HSDL2: variants seen among roughly 807,000 people sequenced by gnomAD.
The protein encoded by HSDL2 is hydroxysteroid dehydrogenase-like protein 2.
HSDL2 carries 27 observed loss-of-function variants against 46.3 expected under a neutral mutation model. The observed-to-expected ratio is 0.58, with a 90% confidence interval of 0.43 to 0.80. HSDL2 has a LOEUF of 0.80. Among genes scored for constraint, HSDL2 ranks in the 30% least tolerant of loss-of-function variants. The pLI is 0.00. For synonymous variants in HSDL2, 153 were observed against 163.6 expected, an observed-to-expected ratio of 0.94 and a Z score of 0.50; for missense variants, 451 against 502.7, an observed-to-expected ratio of 0.90 and a Z score of 0.98.
chr9:112,391,532 A>C (rs907586580), intron 1 of HSDL2, among the ~76,000 whole-genome samples: 1 of 152,180 alleles, frequency 6.6e-6, no homozygotes, highest in Non-Finnish European at 1.5e-5. Context: ...GCAAGCCACA[A>C]ATGAAAAGAT....
intron 8 of HSDL2, among the ~76,000 whole-genome samples, chr9:112,448,743 GACAGGGTTTC>G (rs1832807842): frequency 6.6e-6 from 1 of 151,484 alleles, no homozygotes; most frequent in East Asian, 1.9e-4. Flanking sequence ...TTTTAGTAGA[GACAGGGTTTC>G]ACTGCGTTAG....
At chr9:112,437,571 T>G (rs202194689) in intron 6 of HSDL2, among the ~76,000 whole-genome samples, 1 of 135,112 alleles carries the variant, frequency 7.4e-6, no homozygotes, top group East Asian at 2.2e-4. Context: ...CAAGAATGTG[T>G]GCATGTGTTT....
rs144351295 is a variant in HSDL2, at chr9:112,457,353, C to T, written c.1016-2096C>T. ...AGTGAAGGAGCTGAGATGAACCAGA[C>T]GTGCTGGTTTGAGCTGTATTAAAAT... On this transcript the variant is annotated intron_variant, in intron 9 of 10. Coordinates refer to ENST00000398805, the MANE Select transcript of HSDL2 (RefSeq NM_032303.5). Among the ~76,000 whole-genome samples the T allele has an allele frequency of 4.9e-3, 740 of 152,240 alleles. 4 individuals are homozygous for T. The highest frequency in any genetic ancestry group is 0.015 in the African/African-American group (641 of 41,532).
chr9:112,460,602 G>C (rs910925126), intron 10 of HSDL2, among the ~76,000 whole-genome samples: 5 of 152,018 alleles, frequency 3.3e-5, no homozygotes, highest in Non-Finnish European at 5.9e-5. Context: ...TACAAAAATT[G>C]GTTGGGTGTG....
chr9:112,420,522 C>A (rs777363538), intron 6 of HSDL2, among the ~76,000 whole-genome samples: 10 of 150,730 alleles, frequency 6.6e-5, no homozygotes, highest in South Asian at 4.2e-4. Flanking sequence ...AAAAAACACA[C>A]ACAAAAAAAA....
intron 9 of HSDL2, among the ~76,000 whole-genome samples, chr9:112,458,804 A>AC (rs765053278): frequency 4.6e-4 from 69 of 151,186 alleles, no homozygotes; most frequent in Non-Finnish European, 8.3e-4. Context: ...ACATGGTGAG[A>AC]CCCCGTCTCT....
At chr9:112,425,483 A>C (rs1832223675) in intron 6 of HSDL2, among the ~76,000 whole-genome samples, 1 of 152,210 alleles carries the variant, frequency 6.6e-6, no homozygotes, top group Non-Finnish European at 1.5e-5. Context: ...ATGCAACCAG[A>C]GAAGTAATCT....
chr9:112,388,690 G>A (rs1831271670), intron 1 of HSDL2, among the ~76,000 whole-genome samples: 1 of 152,036 alleles, frequency 6.6e-6, no homozygotes, highest in South Asian at 2.1e-4. Flanking sequence ...GGAGGTGGAG[G>A]TTGCAGTGAG....
intron 3 of HSDL2, among the ~76,000 whole-genome samples, chr9:112,408,484 C>A (rs774168885): frequency 6.6e-6 from 1 of 152,126 alleles, no homozygotes; most frequent in Non-Finnish European, 1.5e-5. Flanking sequence ...CCATGCATTG[C>A]TTAATGATGG....
intron 4 of HSDL2, among the ~76,000 whole-genome samples, chr9:112,409,751 A>G (rs1356477029): frequency 6.6e-6 from 1 of 151,922 alleles, no homozygotes; most frequent in African/African-American, 2.4e-5. Context: ...TACTCAGGAG[A>G]CTGAGGCAAG....
At chr9:112,391,863 G>A (rs1322454447) in intron 1 of HSDL2, among the ~76,000 whole-genome samples, 1 of 148,944 alleles carries the variant, frequency 6.7e-6, no homozygotes, top group Non-Finnish European at 1.5e-5. Flanking sequence ...TGCAGCCTGG[G>A]CGACAAGAGC....
At chr9:112,400,600 C>T (rs529835995) in intron 1 of HSDL2, among the ~76,000 whole-genome samples, 5 of 152,312 alleles carry the variant, frequency 3.3e-5, no homozygotes, top group Admixed American at 6.5e-5. Flanking sequence ...AGTGAGACTC[C>T]GTCTCAAACA....
rs771878471 is a variant in HSDL2, at chr9:112,416,893, A to G, written c.448A>G (p.Asn150Asp). Residue 150 changes from asparagine (N) to aspartate (D), a missense_variant, in exon 5 of 11, where the codon AAT becomes GAT. Transcript: ENST00000398805. ...LKKSKVAHILNISPPLNLNPV... is the reference protein window; with the variant it reads ...LKKSKVAHILDISPPLNLNPV... ...AAAGAGCAAAGTTGCTCATATCCTC[A>G]ATATCAGTCCACCACTGAACCTAAA... is the stretch of plus-strand genomic sequence containing the variant. 6 of 1,607,704 alleles carry G rather than the reference A, an allele frequency of 3.7e-6. No individual in the cohort carries two copies. The highest frequency in any genetic ancestry group is 5.1e-6 in the Non-Finnish European group (6 of 1,174,370).
At chr9:112,401,003 T>C (rs1831578165) in intron 1 of HSDL2, among the ~76,000 whole-genome samples, 1 of 152,192 alleles carries the variant, frequency 6.6e-6, no homozygotes, top group Admixed American at 6.5e-5. Flanking sequence ...ACATGCTTTT[T>C]GGGGGACACA....
At chr9:112,461,407 T>A (rs1833206653) in intron 10 of HSDL2, among the ~76,000 whole-genome samples, 2 of 152,208 alleles carry the variant, frequency 1.3e-5, no homozygotes, top group Admixed American at 1.3e-4. Context: ...AGTTTAGTGT[T>A]TCTTCAGTGT....
chr9:112,459,479 T>G lies in HSDL2; in HGVS notation c.1046T>G (p.Leu349Arg). 1 of 1,614,026 alleles carries G rather than the reference T, an allele frequency of 6.2e-7. No homozygotes were observed. The highest frequency in any genetic ancestry group is 8.5e-7 in the Non-Finnish European group (1 of 1,179,880). The change falls in exon 10 of 11, where the codon CTG (leucine) becomes CGG (arginine). Residue 349 changes from leucine to arginine, a missense_variant. Leu to Arg is a moderately radical substitution (Grantham distance 102). Coordinates refer to ENST00000398805, the MANE Select transcript of HSDL2 (RefSeq NM_032303.5). ...GATGGTGGCACGTGGTTTCTTGATC[T>G]GAAAAGCAAGGGTGGGAATGTCGGA... ...GEDGGTWFLD[L>R]KSKGGNVGYG...
chr9:112,438,292 C>T, intron 6 of HSDL2, 139 bp from the exon 7 acceptor site: 1 of 631,834 alleles, frequency 1.6e-6, no homozygotes, highest in Non-Finnish European at 2.4e-6. Context: ...CTTAAGCAAT[C>T]TGGACTTTGT....
At chr9:112,383,413 T>C (rs1291675787) in intron 1 of HSDL2, among the ~76,000 whole-genome samples, 1 of 152,090 alleles carries the variant, frequency 6.6e-6, no homozygotes, top group African/African-American at 2.4e-5. Flanking sequence ...ATTTTTATGG[T>C]CTTATATTTT....
rs1464461737 is a variant in HSDL2 at position 112,438,697 on chromosome 9, T to G, written c.793+72T>G. 3.7e-6 allele frequency: 3 copies of G among 820,038 alleles called. No individual in the cohort carries two copies. The African/African-American group carries it at 5.2e-5, about 14-fold the overall frequency. The allele number at this position is 820,038 out of a possible 1,614,324, so 50.8% of individuals were successfully genotyped here. ...TTTCTGCAATGAACATATCTGTTTT[T>G]TGTGTGTGTTTGTGTGATTGTAAAA... On this transcript the variant is annotated intron_variant, in intron 7 of 10. Transcript: ENST00000398805.
Sources: allele counts gnomAD v4.1 joint callset (sites outside exome capture counted in the v4.1 genomes callset), GRCh38; gene constraint gnomAD v4.1.1; transcripts MANE v1.5; gene names NCBI Gene and HGNC (gene_info 2026-07-23, HGNC 2026-07-21).